The following STK24 variants were observed in gnomAD, a reference collection of about 807,000 sequenced individuals.
STK24 encodes the protein serine/threonine-protein kinase 24.
In STK24, 21 loss-of-function variants were observed where a neutral mutation model predicts 55.6. The observed-to-expected ratio is 0.38, with a 90% confidence interval of 0.27 to 0.54. The LOEUF is 0.54. Among genes scored for constraint, STK24 ranks in the 20% least tolerant of loss-of-function variants. The pLI, the probability that STK24 is intolerant of heterozygous loss-of-function variation, is 0.79. For missense variants in STK24, 383 were observed against 538.4 expected, an observed-to-expected ratio of 0.71 and a Z score of 2.86; for synonymous variants, 200 against 215.2, an observed-to-expected ratio of 0.93 and a Z score of 0.62.
intron 2 of STK24, among the ~76,000 whole-genome samples, chr13:98,503,162 T>C (rs1313657322): frequency 6.6e-6 from 1 of 151,614 alleles, no homozygotes; most frequent in Non-Finnish European, 1.5e-5. Context: ...AGAGTGTTTT[T>C]TAAAAAAAAC....
At chr13:98,522,929 T>C (rs1213822624) in intron 1 of STK24, among the ~76,000 whole-genome samples, 1 of 149,384 alleles carries the variant, frequency 6.7e-6, no homozygotes, top group Non-Finnish European at 1.5e-5. Flanking sequence ...GCGAGAGGGG[T>C]GCTAACAGCC....
chr13:98,547,899 T>G (rs963368229), intron 1 of STK24, among the ~76,000 whole-genome samples: 1 of 152,188 alleles, frequency 6.6e-6, no homozygotes, highest in Non-Finnish European at 1.5e-5. Context: ...ACACTGTAGT[T>G]CTTATCCACA....
chr13:98,457,189 T>G lies in STK24; in HGVS notation c.1238A>C (p.Gln413Pro). Residue 413 changes from glutamine (Q) to proline (P), a missense_variant, in exon 10 of 11, where the codon CAG (glutamine) becomes CCG (proline). By Grantham distance (76) the Gln-to-Pro change is moderately conservative (BLOSUM62 -1). Coordinates refer to ENST00000539966, the MANE Select transcript of STK24 (RefSeq NM_001032296.4). ...TTACCTCTGGAGCCGCTGCACGAGC[T>G]GGGCCACCATGGTGTCGGAGATGCC... is the stretch of plus-strand genomic sequence containing the variant. ...CPGISDTMVA[Q>P]LVQRLQRYSL... The G allele has an allele frequency of 6.2e-7, 1 of 1,611,864 alleles. No homozygotes were observed. The highest frequency in any genetic ancestry group is 1.1e-5 in the South Asian group (1 of 90,792).
chr13:98,549,052 T>C (rs1416519403), intron 1 of STK24, among the ~76,000 whole-genome samples: 1 of 152,012 alleles, frequency 6.6e-6, no homozygotes. Context: ...CAAGCCCCAA[T>C]GGAGACACTA....
intron 5 of STK24, among the ~76,000 whole-genome samples, chr13:98,472,034 G>C (rs188433769): frequency 6.6e-6 from 1 of 152,330 alleles, no homozygotes; most frequent in African/African-American, 2.4e-5. Context: ...AGTGTACCCT[G>C]AAGAGCACTG....
At chr13:98,526,216 C>T (rs1016185499) in intron 1 of STK24, among the ~76,000 whole-genome samples, 2 of 152,236 alleles carry the variant, frequency 1.3e-5, no homozygotes, top group East Asian at 3.9e-4. Context: ...ATGCTTTGTC[C>T]TTTGTCAAGC....
chr13:98,447,031 G>GTGTT lies in STK24; in HGVS notation c.*6138_*6141dup. On this transcript the variant is annotated 3_prime_UTR_variant, in exon 11 of 11. Coordinates refer to ENST00000539966, the MANE Select transcript of STK24 (RefSeq NM_001032296.4). ...CTTCCCTGCGCCCTTACCCTGCACG[G>GTGTT]TGTTGGCTGAGGCCCTAGACATCTT... 3.7e-6 allele frequency: 2 copies of GTGTT among 539,558 alleles called. No homozygotes were observed. Among genetic ancestry groups the GTGTT allele is most frequent in the Non-Finnish European group, 6.6e-6 (2 of 301,678 alleles). 33.4% of individuals were successfully genotyped at this position (539,558 alleles called of 1,614,324 possible). A position where few individuals can be genotyped will look rare whatever the true frequency, so the allele number is the denominator to read the frequency against.
chr13:98,521,964 T>C (rs1896276443), intron 1 of STK24: 3 of 1,400,124 alleles, frequency 2.1e-6, no homozygotes, highest in Non-Finnish European at 2.9e-6. Flanking sequence ...GTTTCTCCCA[T>C]TTAAAACAAA....
At chr13:98,468,724 G>A (rs1180294250) in intron 5 of STK24, among the ~76,000 whole-genome samples, 1 of 152,184 alleles carries the variant, frequency 6.6e-6, no homozygotes, top group Non-Finnish European at 1.5e-5. Context: ...TCATTTGTAA[G>A]GGTACATAAT....
At chr13:98,463,921 A>G (rs879226617) in intron 6 of STK24, 85 bp from the exon 7 acceptor site, 4 of 1,464,370 alleles carry the variant, frequency 2.7e-6, no homozygotes, top group African/African-American at 1.4e-5. Flanking sequence ...CAAAATGTCA[A>G]CCGCCACACT....
At chr13:98,569,606 G>A (rs766401391) in intron 1 of STK24, among the ~76,000 whole-genome samples, 3 of 151,980 alleles carry the variant, frequency 2.0e-5, no homozygotes, top group Non-Finnish European at 4.4e-5. Context: ...ACAGAGTGCT[G>A]GGATGAATGA....
chr13:98,483,632 T>C (rs1276455831), intron 2 of STK24, among the ~76,000 whole-genome samples: 1 of 152,180 alleles, frequency 6.6e-6, no homozygotes, highest in African/African-American at 2.4e-5. Context: ...CCCCACGCCC[T>C]GGGCAAACTT....
intron 1 of STK24, among the ~76,000 whole-genome samples, chr13:98,569,418 A>AC: frequency 7.0e-6 from 1 of 143,320 alleles, no homozygotes; most frequent in Admixed American, 6.8e-5. Context: ...AGAGACAAAA[A>AC]AAAAAAAACA....
Position 98,576,782 on chromosome 13 carries a change from GC to G in STK24, c.4del (p.Ala2LeufsTer15). 7.0e-7 allele frequency: 1 copy of G among 1,429,484 alleles called. No homozygotes were observed. Among genetic ancestry groups the G allele is most frequent in the South Asian group, 1.3e-5 (1 of 75,106 alleles). 88.6% of individuals were successfully genotyped at this position (1,429,484 alleles called of 1,614,324 possible). ...CAGGCCCGACTGCACCGGGGAGTGAGCCATGGCGCTCAGGACGGCCACTTCC... is the reference window on the plus strand; with the variant it reads ...CAGGCCCGACTGCACCGGGGAGTGAGCATGGCGCTCAGGACGGCCACTTCC... M[A>X]HSPVQSGLPG... On this transcript the variant is annotated frameshift_variant, in exon 1 of 11. Coordinates refer to ENST00000539966, the MANE Select transcript of STK24 (RefSeq NM_001032296.4). LOFTEE classifies it high-confidence loss of function.
intron 1 of STK24, among the ~76,000 whole-genome samples, chr13:98,541,768 T>C (rs1594655003): frequency 6.6e-6 from 1 of 152,138 alleles, no homozygotes; most frequent in Admixed American, 6.5e-5. Context: ...TCCATGACAC[T>C]TTACCCTTTT....
intron 10 of STK24, chr13:98,455,554 T>G (rs1469388077): frequency 6.6e-6 from 1 of 152,230 alleles, no homozygotes; most frequent in Admixed American, 6.5e-5. Flanking sequence ...AACATAAAAT[T>G]CTGTGTGTGG....
At chr13:98,530,930 C>T (rs1054616855) in intron 1 of STK24, among the ~76,000 whole-genome samples, 2 of 152,222 alleles carry the variant, frequency 1.3e-5, no homozygotes, top group Non-Finnish European at 2.9e-5. Context: ...CGAGGTACAA[C>T]ACAATGCGAC....
At chr13:98,477,754 C>T (rs74109145) in intron 3 of STK24, among the ~76,000 whole-genome samples, 3,978 of 152,018 alleles carry the variant, frequency 0.026, 165 homozygotes, top group African/African-American at 0.09. Context: ...CCCAAGCCGA[C>T]GATCAATACC....
chr13:98,472,070 T>C (rs1473456472), intron 5 of STK24, among the ~76,000 whole-genome samples: 1 of 152,146 alleles, frequency 6.6e-6, no homozygotes, highest in Non-Finnish European at 1.5e-5. Flanking sequence ...AGCCAGCCAC[T>C]GGAGGGACAC....
Sources: allele counts gnomAD v4.1 joint callset (sites outside exome capture counted in the v4.1 genomes callset), GRCh38; gene constraint gnomAD v4.1.1; transcripts MANE v1.5; gene names NCBI Gene and HGNC (gene_info 2026-07-23, HGNC 2026-07-21).